Variants in UBE2H observed in about 807,000 individuals in gnomAD.
The protein encoded by UBE2H is ubiquitin conjugating enzyme E2 H, also known as ubiquitin-conjugating enzyme E2 H.
Under a neutral mutation model 29.0 loss-of-function variants are expected in UBE2H, and 3 were observed. That is an observed-to-expected ratio of 0.10 (90% CI 0.05 to 0.27). UBE2H has a LOEUF of 0.27. Ranked by LOEUF, UBE2H falls within the 10% of genes least tolerant of loss-of-function variation. UBE2H has a pLI of 1.00. For missense variants in UBE2H, 68 were observed against 228.2 expected (o/e 0.30, Z 4.52); for synonymous variants, 69 against 82.9 (o/e 0.83, Z 0.91).
At chr7:129,918,130 A>G (rs1807080594) in intron 1 of UBE2H, among the ~76,000 whole-genome samples, 1 of 152,212 alleles carries the variant, frequency 6.6e-6, no homozygotes, top group Non-Finnish European at 1.5e-5. Flanking sequence ...CCTATTAAAA[A>G]GGGACTGGCA....
chr7:129,865,084 TCA>T, intron 3 of UBE2H: 1 of 443,502 alleles, frequency 2.3e-6, no homozygotes. Flanking sequence ...GGAATCCAAA[TCA>T]CACTTAATGT....
At chr7:129,867,138 CAATTAT>C (rs1193297034) in intron 3 of UBE2H, among the ~76,000 whole-genome samples, 2 of 152,266 alleles carry the variant, frequency 1.3e-5, no homozygotes, top group East Asian at 1.9e-4. Context: ...ATGGAAAATA[CAATTAT>C]AATTTTTATT....
intron 1 of UBE2H, among the ~76,000 whole-genome samples, chr7:129,883,293 G>A (rs916085201): frequency 6.6e-6 from 1 of 152,180 alleles, no homozygotes; most frequent in Admixed American, 6.5e-5. Context: ...TGGTGAGAGT[G>A]TGATATGGTT....
intron 1 of UBE2H, among the ~76,000 whole-genome samples, chr7:129,910,710 C>T (rs558317298): frequency 1.9e-4 from 29 of 151,782 alleles, no homozygotes; most frequent in Non-Finnish European, 3.1e-4. Context: ...GGTGAAACCC[C>T]GTCTCTACTA....
chr7:129,861,973 A>G (rs1265804214), intron 3 of UBE2H, among the ~76,000 whole-genome samples: 2 of 152,232 alleles, frequency 1.3e-5, no homozygotes, highest in Admixed American at 1.3e-4. Flanking sequence ...TTTAAGAAAA[A>G]GCCAGTAAAA....
chr7:129,924,616 T>A (rs957505861), intron 1 of UBE2H, among the ~76,000 whole-genome samples: 4 of 143,920 alleles, frequency 2.8e-5, no homozygotes, highest in African/African-American at 5.1e-5. Flanking sequence ...CCTTTTACAT[T>A]CACACACACA....
intron 1 of UBE2H, among the ~76,000 whole-genome samples, chr7:129,949,557 T>G (rs1807832629): frequency 6.6e-6 from 1 of 152,042 alleles, no homozygotes; most frequent in Non-Finnish European, 1.5e-5. Flanking sequence ...CAGAACATAA[T>G]CACCCAGCAG....
At chr7:129,848,239 C>T (rs555465956) in intron 5 of UBE2H, among the ~76,000 whole-genome samples, 27 of 152,178 alleles carry the variant, frequency 1.8e-4, no homozygotes, top group Non-Finnish European at 2.6e-4. Context: ...AAACAAAAAA[C>T]AAAAAACACA....
At chr7:129,930,909 C>CCA (rs752876617) in intron 1 of UBE2H, among the ~76,000 whole-genome samples, 23 of 34,292 alleles carry the variant, frequency 6.7e-4, no homozygotes, top group East Asian at 2.1e-3. Flanking sequence ...CCCCGTCTCA[C>CCA]AAAAAAAAAA....
chr7:129,879,605 G>A lies in UBE2H; in HGVS notation c.168C>T (p.Asp56=), dbSNP rs759014290. 6.2e-7 allele frequency: 1 copy of A among 1,612,990 alleles called. No individual in the cohort carries two copies. The highest frequency in any genetic ancestry group is 1.3e-5 in the African/African-American group (1 of 74,870). The change falls in exon 3 of 7, where the codon GAC becomes GAT. Residue 56 remains aspartate (D), a synonymous_variant. Transcript: ENST00000355621. The part of the protein sequence containing the change: ...YEGGVWKVRV[D]LPDKYPFKSP... Reference sequence around the variant, plus strand: ...ATTTGAAAGGGTATTTATCAGGTAGGTCCACTCTAACTTTCCATACTCCGC... The same window carrying A: ...ATTTGAAAGGGTATTTATCAGGTAGATCCACTCTAACTTTCCATACTCCGC...
intron 2 of UBE2H, among the ~76,000 whole-genome samples, chr7:129,880,547 T>C (rs944752889): frequency 5.3e-5 from 8 of 152,158 alleles, no homozygotes; most frequent in Admixed American, 3.9e-4. Flanking sequence ...ATAACAACTA[T>C]TTACATAACA....
rs533459805 is a variant in UBE2H, at chr7:129,843,626, A to G, written c.299-4291T>C. Among the ~76,000 whole-genome samples, 284 of 152,292 alleles carry G rather than the reference A, an allele frequency of 1.9e-3. 2 individuals carry two copies. Among genetic ancestry groups the G allele is most frequent in the Middle Eastern group, 0.014 (4 of 294 alleles). On this transcript the variant is annotated intron_variant, in intron 5 of 6. Transcript: ENST00000355621. ...CAGGGAAGCTAAATCCATGGATCAG[A>G]GATGATCACCCTCCTCCCCAAAGAA...
chr7:129,859,514 G>C (rs985341770), intron 3 of UBE2H, among the ~76,000 whole-genome samples: 1 of 152,118 alleles, frequency 6.6e-6, no homozygotes, highest in Non-Finnish European at 1.5e-5. Flanking sequence ...GGGAAACCCA[G>C]TTTTGATTAA....
intron 6 of UBE2H, 39 bp from the exon 7 acceptor site, chr7:129,835,100 G>A: frequency 6.2e-7 from 1 of 1,612,978 alleles, no homozygotes; most frequent in Non-Finnish European, 8.5e-7. Context: ...GGCAGTGAGT[G>A]GGCAGGCATG....
chr7:129,866,333 G>A (rs991930901), intron 3 of UBE2H, among the ~76,000 whole-genome samples: 1 of 152,184 alleles, frequency 6.6e-6, no homozygotes, highest in African/African-American at 2.4e-5. Flanking sequence ...CTAAGAAAAG[G>A]TGAAGTGTTA....
At chr7:129,941,451 T>C (rs1807640515) in intron 1 of UBE2H, among the ~76,000 whole-genome samples, 1 of 152,160 alleles carries the variant, frequency 6.6e-6, no homozygotes, top group South Asian at 2.1e-4. Flanking sequence ...CTGGAATTTA[T>C]ATGCTCAGGG....
At chr7:129,880,777 C>T (rs1806237446) in intron 2 of UBE2H, 118 bp downstream of exon 2, 2 of 745,098 alleles carry the variant, frequency 2.7e-6, no homozygotes, top group Non-Finnish European at 2.2e-6. Context: ...ACTGGTTCTG[C>T]AGTCCAACTA....
rs1184609504 is a variant in UBE2H, at chr7:129,833,143, C to T, written c.*1794G>A. 1 of 151,680 alleles carries T rather than the reference C, an allele frequency of 6.6e-6. No individual in the cohort carries two copies. The highest frequency in any genetic ancestry group is 2.4e-5 in the African/African-American group (1 of 41,062). The allele number at this position is 151,680 out of a possible 1,614,324, so 9.4% of individuals were successfully genotyped here. On this transcript the variant is annotated 3_prime_UTR_variant, in exon 7 of 7. Transcript: ENST00000355621. ...CCTTTTGCTTCATGCCCGTAATTAA[C>T]ATAAAGTAAGTAAATTCTTTGTCTT...
chr7:129,885,254 G>A (rs567304621), intron 1 of UBE2H, among the ~76,000 whole-genome samples: 9 of 152,180 alleles, frequency 5.9e-5, no homozygotes, highest in East Asian at 1.9e-4. Flanking sequence ...ATGAAAGAAC[G>A]GAGTAGTGCA....
Sources: allele counts gnomAD v4.1 joint callset (sites outside exome capture counted in the v4.1 genomes callset), GRCh38; gene constraint gnomAD v4.1.1; transcripts MANE v1.5; gene names NCBI Gene and HGNC (gene_info 2026-07-23, HGNC 2026-07-21).